The following CRISP3 variants were observed in gnomAD, a reference collection of about 807,000 sequenced individuals.
CRISP3 encodes cysteine-rich secretory protein 3.
In CRISP3, 33 loss-of-function variants were observed where a neutral mutation model predicts 36.1. The ratio of observed to expected loss-of-function variants is 0.91; its 90% CI spans 0.69 to 1.22. The LOEUF (loss-of-function observed/expected upper bound fraction) is 1.22. Ranked by LOEUF, CRISP3 falls within the 50% of genes most tolerant of loss-of-function variation. The pLI is 0.00. For synonymous variants in CRISP3, 117 were observed against 104.6 expected, an observed-to-expected ratio of 1.12 and a Z score of -0.72; for missense variants, 330 against 301.2, an observed-to-expected ratio of 1.10 and a Z score of -0.71.
intron 6 of CRISP3, among the ~76,000 whole-genome samples, chr6:49,732,658 C>A (rs2127450777): frequency 6.6e-6 from 1 of 152,040 alleles, no homozygotes; most frequent in African/African-American, 2.4e-5. Flanking sequence ...CTTTTCTTGG[C>A]TATTTGAAAT....
chr6:49,733,785 T>C lies in CRISP3; in HGVS notation c.380A>G (p.Gln127Arg), dbSNP rs1414194122. 37 of 1,613,758 alleles carry C rather than the reference T, an allele frequency of 2.3e-5. No homozygotes were observed. The Admixed American group carries it at 6.2e-4, about 27-fold the overall frequency. ...SASSSWSQAI[Q>R]SWFDEYNDFD... is the part of the protein sequence containing the mutation. ...ATCATTGTACTCATCAAACCAGCTT[T>C]GGATTGCTTGTGACCATGAGCTGGA... The change falls in exon 5 of 8, where the codon CAA becomes CGA. Residue 127 changes from glutamine to arginine, a missense_variant. Transcript: ENST00000263045.
At chr6:49,730,714 T>C (rs1477276867) in intron 7 of CRISP3, among the ~76,000 whole-genome samples, 2 of 152,166 alleles carry the variant, frequency 1.3e-5, no homozygotes, top group Non-Finnish European at 2.9e-5. Flanking sequence ...AAATGATACA[T>C]AGATACTGAA....
At chr6:49,742,526 G>A (rs900710072) in intron 1 of CRISP3, among the ~76,000 whole-genome samples, 2 of 151,570 alleles carry the variant, frequency 1.3e-5, no homozygotes, top group East Asian at 1.9e-4. Flanking sequence ...CAGCTACTGG[G>A]GAGGCTGAGG....
At position 49,728,692 on chromosome 6, in the gene CRISP3, T is replaced by A; in HGVS notation, c.*38A>T. 6.6e-7 allele frequency: 1 copy of A among 1,520,132 alleles called. No individual in the cohort carries two copies. The highest frequency in any genetic ancestry group is 8.9e-7 in the Non-Finnish European group (1 of 1,129,942). 94.2% of individuals were successfully genotyped at this position (1,520,132 alleles called of 1,614,324 possible). A position where few individuals can be genotyped will look rare whatever the true frequency, so the allele number is the denominator to read the frequency against. The stretch of plus-strand genomic sequence containing the variant: ...GCCAAATCTAAGTAGATAATCTGAC[T>A]CCTCTCTACATAGCCCTACTCGGTG... On this transcript the variant is annotated 3_prime_UTR_variant, in exon 8 of 8. Transcript: ENST00000263045.
At chr6:49,741,680 T>C (rs1769206973) in intron 1 of CRISP3, among the ~76,000 whole-genome samples, 1 of 146,468 alleles carries the variant, frequency 6.8e-6, no homozygotes, top group African/African-American at 2.5e-5. Flanking sequence ...AAGCATATAC[T>C]GCAAATCTAT....
chr6:49,744,272 T>G, intron 1 of CRISP3, 59 bp downstream of exon 1: 2 of 1,245,902 alleles, frequency 1.6e-6, no homozygotes, highest in Non-Finnish European at 2.2e-6. Context: ...AAGGTATAAA[T>G]GTGTTGTTCA....
At chr6:49,741,055 C>G (rs1474805513) in intron 1 of CRISP3, among the ~76,000 whole-genome samples, 3 of 150,544 alleles carry the variant, frequency 2.0e-5, no homozygotes, top group South Asian at 2.1e-4. Context: ...GAGCCGAGAT[C>G]GCGCCACTGC....
chr6:49,737,726 T>C (rs1769095153), intron 1 of CRISP3, among the ~76,000 whole-genome samples: 1 of 152,172 alleles, frequency 6.6e-6, no homozygotes, highest in East Asian at 1.9e-4. Flanking sequence ...GTTGTAGGAG[T>C]GGATTCTTCA....
chr6:49,729,944 C>G (rs2127449944), intron 7 of CRISP3, among the ~76,000 whole-genome samples: 1 of 152,154 alleles, frequency 6.6e-6, no homozygotes, highest in East Asian at 1.9e-4. Flanking sequence ...CTGATTATTA[C>G]TAATAAGATA....
At position 49,728,813 on chromosome 6, in the gene CRISP3, A is replaced by G; in HGVS notation, c.694T>C (p.Leu232=). ...YEDLYSNCKS[L]KLTLTCKHQL... is the part of the protein sequence containing the mutation. ...TGTTTACAGGTTAATGTGAGCTTCA[A>G]ACTTTTACAGTTACTATAGAGATCT... Residue 232 remains leucine (L), a synonymous_variant, in exon 8 of 8, where the codon TTG becomes CTG. Transcript: ENST00000263045. The G allele has an allele frequency of 1.2e-6, 2 of 1,612,900 alleles. No individual in the cohort carries two copies. Among genetic ancestry groups the G allele is most frequent in the Non-Finnish European group, 1.7e-6 (2 of 1,179,326 alleles).
chr6:49,737,462 A>G, intron 1 of CRISP3, 64 bp from the exon 2 acceptor site: 1 of 1,561,916 alleles, frequency 6.4e-7, no homozygotes, highest in Non-Finnish European at 8.8e-7. Flanking sequence ...GCTGTTGAGT[A>G]ACATGGGGGT....
intron 7 of CRISP3, 73 bp from the exon 8 acceptor site, chr6:49,728,930 C>G: frequency 2.1e-6 from 3 of 1,432,768 alleles, no homozygotes; most frequent in Non-Finnish European, 2.9e-6. Flanking sequence ...ACAAAACATT[C>G]TATATGAACG....
chr6:49,728,498 T>C lies in CRISP3; in HGVS notation c.*232A>G. ...CAGTAAATTTAAATCACAAAGTTTA[T>C]ATATAAAAATCCAAAGTTGTTGTTA... On this transcript the variant is annotated 3_prime_UTR_variant, in exon 8 of 8. Transcript: ENST00000263045. 1 of 313,190 alleles carries C rather than the reference T, an allele frequency of 3.2e-6. No homozygotes were observed. The highest frequency in any genetic ancestry group is 4.9e-5 in the Admixed American group (1 of 20,248). The allele number at this position is 313,190 out of a possible 1,614,324, so 19.4% of individuals were successfully genotyped here.
chr6:49,744,256 A>G, intron 1 of CRISP3, 75 bp downstream of exon 1: 1 of 1,085,570 alleles, frequency 9.2e-7, no homozygotes, highest in South Asian at 1.6e-5. Flanking sequence ...TCACTTTATC[A>G]TTGATAAGGT....
chr6:49,730,732 A>C (rs548362784), intron 7 of CRISP3, among the ~76,000 whole-genome samples: 1 of 152,230 alleles, frequency 6.6e-6, no homozygotes, highest in Admixed American at 6.5e-5. Context: ...GAACAGTGTA[A>C]AATTTTCACT....
chr6:49,731,316 A>G (rs1768912290), intron 6 of CRISP3, 65 bp from the exon 7 acceptor site: 5 of 922,378 alleles, frequency 5.4e-6, no homozygotes, highest in Middle Eastern at 2.5e-4. Context: ...TTCCAAGGTT[A>G]GTATCAGTCA....
At chr6:49,744,268 T>A in intron 1 of CRISP3, 63 bp downstream of exon 1, 2 of 1,231,406 alleles carry the variant, frequency 1.6e-6, no homozygotes, top group South Asian at 1.3e-5. Flanking sequence ...TGATAAGGTA[T>A]AAATGTGTTG....
At chr6:49,739,541 G>A (rs1023645277) in intron 1 of CRISP3, among the ~76,000 whole-genome samples, 1 of 152,134 alleles carries the variant, frequency 6.6e-6, no homozygotes, top group Non-Finnish European at 1.5e-5. Flanking sequence ...GAAGAATCTA[G>A]CACAATTCAG....
At chr6:49,730,742 T>C (rs527352264) in intron 7 of CRISP3, among the ~76,000 whole-genome samples, 1 of 152,250 alleles carries the variant, frequency 6.6e-6, no homozygotes, top group East Asian at 1.9e-4. Context: ...AAATTTTCAC[T>C]TAAAAATGCT....
Sources: gnomAD v4.1 joint callset for allele counts (sites outside exome capture counted in the v4.1 genomes callset) on GRCh38, gnomAD v4.1.1 for gene constraint, MANE v1.5 for transcripts, NCBI Gene and HGNC (gene_info 2026-07-23, HGNC 2026-07-21) for gene names.